The following SLC60A2 variants were observed in gnomAD, a reference collection of about 807,000 sequenced individuals.
SLC60A2 encodes major facilitator superfamily domain containing 4B.
the SLC60A2 span, among the ~76,000 whole-genome samples, chr6:111,262,970 C>A: frequency 6.6e-6 from 1 of 152,050 alleles, no homozygotes; most frequent in South Asian, 2.1e-4. Flanking sequence ...TCTCCTCTCC[C>A]TCTATTGCCC....
the SLC60A2 span, chr6:111,266,420 C>T: frequency 6.2e-7 from 1 of 1,614,166 alleles, no homozygotes. Context: ...GCCTGGCAAT[C>T]TTTTTTGCTA....
the SLC60A2 span, among the ~76,000 whole-genome samples, chr6:111,274,962 G>A: frequency 6.6e-6 from 1 of 151,936 alleles, no homozygotes; most frequent in African/African-American, 2.4e-5. Context: ...TCCCTCTATT[G>A]CCCATCATGG....
the SLC60A2 span, among the ~76,000 whole-genome samples, chr6:111,264,179 T>G: frequency 1.3e-5 from 2 of 152,164 alleles, no homozygotes; most frequent in African/African-American, 2.4e-5. Context: ...CTATGAGAGA[T>G]AATTGATTTA....
chr6:111,271,342 A>C, the SLC60A2 span, among the ~76,000 whole-genome samples: 1 of 152,040 alleles, frequency 6.6e-6, no homozygotes, highest in Non-Finnish European at 1.5e-5. Flanking sequence ...ACTTTTTATT[A>C]TAAAAACAAT....
At chr6:111,265,988 G>C in the SLC60A2 span, 1 of 1,614,146 alleles carries the variant, frequency 6.2e-7, no homozygotes, top group South Asian at 1.1e-5. Context: ...TAGCTAAACT[G>C]GCTTTGGGTC....
At chr6:111,267,292 A>G in the SLC60A2 span, 3 of 579,034 alleles carry the variant, frequency 5.2e-6, no homozygotes, top group East Asian at 2.8e-5. Context: ...AGTCTTCCAT[A>G]AATAACCAAA....
the SLC60A2 span, among the ~76,000 whole-genome samples, chr6:111,279,265 C>CT: frequency 0.011 from 1,486 of 135,610 alleles, 25 homozygotes; most frequent in African/African-American, 0.03. Context: ...TTCTTTCTTT[C>CT]TTTTTTTTTT....
At chr6:111,259,762 G>A in the SLC60A2 span, 8 of 1,552,148 alleles carry the variant, frequency 5.2e-6, no homozygotes, top group Admixed American at 4.0e-5. Flanking sequence ...CCAGGCCGGG[G>A]CGTTCGAGTC....
At chr6:111,275,409 CTT>C in the SLC60A2 span, among the ~76,000 whole-genome samples, 6 of 139,742 alleles carry the variant, frequency 4.3e-5, no homozygotes, top group South Asian at 2.3e-4. Context: ...CTCAGAACAA[CTT>C]TTTTTTTTTT....
chr6:111,271,574 A>AT, the SLC60A2 span, among the ~76,000 whole-genome samples: 2 of 151,862 alleles, frequency 1.3e-5, no homozygotes, highest in East Asian at 3.9e-4. Flanking sequence ...ATTATAGTTT[A>AT]TTTTTTTAAA....
the SLC60A2 span, among the ~76,000 whole-genome samples, chr6:111,275,221 A>G: frequency 1.4e-4 from 22 of 151,818 alleles, no homozygotes; most frequent in South Asian, 4.4e-3. Flanking sequence ...GACTATTCTT[A>G]TATATTGCTT....
the SLC60A2 span, among the ~76,000 whole-genome samples, chr6:111,273,323 A>G: frequency 4.0e-5 from 6 of 151,872 alleles, no homozygotes; most frequent in Middle Eastern, 3.4e-3. Flanking sequence ...ATTATTTTCT[A>G]TTGTAGAGAT....
chr6:111,266,208 G>T, the SLC60A2 span: 1 of 1,613,202 alleles, frequency 6.2e-7, no homozygotes, highest in Non-Finnish European at 8.5e-7. Flanking sequence ...AAAAGCAAGA[G>T]CATCTGCTGA....
the SLC60A2 span, among the ~76,000 whole-genome samples, chr6:111,277,747 G>A: frequency 6.6e-6 from 1 of 152,108 alleles, no homozygotes; most frequent in Admixed American, 6.5e-5. Flanking sequence ...TCTAGTACTT[G>A]TCTATGTCTT....
the SLC60A2 span, among the ~76,000 whole-genome samples, chr6:111,263,432 A>G: frequency 6.6e-6 from 1 of 152,194 alleles, no homozygotes; most frequent in East Asian, 1.9e-4. Flanking sequence ...TTTATTTAGT[A>G]AATTTTATTA....
the SLC60A2 span, among the ~76,000 whole-genome samples, chr6:111,271,966 A>G: frequency 6.6e-6 from 1 of 151,952 alleles, no homozygotes; most frequent in Non-Finnish European, 1.5e-5. Flanking sequence ...AGACTGTCTA[A>G]AAAATTTAAA....
At chr6:111,273,459 A>G in the SLC60A2 span, among the ~76,000 whole-genome samples, 1 of 150,044 alleles carries the variant, frequency 6.7e-6, no homozygotes, top group Admixed American at 6.6e-5. Flanking sequence ...AAGATTCTTG[A>G]TATGATTTTA....
the SLC60A2 span, chr6:111,270,655 C>T: frequency 1.3e-5 from 2 of 152,150 alleles, no homozygotes; most frequent in Non-Finnish European, 2.9e-5. Context: ...TCCTGGCTAA[C>T]ACGGTGAAAC....
chr6:111,266,987 G>C, the SLC60A2 span: 2 of 1,614,222 alleles, frequency 1.2e-6, no homozygotes, highest in East Asian at 2.2e-5. Context: ...GAAGTAGTCT[G>C]ACGGAGCCCA....
Sources: allele counts gnomAD v4.1 joint callset (sites outside exome capture counted in the v4.1 genomes callset), GRCh38; gene constraint gnomAD v4.1.1; transcripts MANE v1.5; gene names NCBI Gene and HGNC (gene_info 2026-07-23, HGNC 2026-07-21).